LEKR1: variants seen among roughly 807,000 people sequenced by gnomAD.
LEKR1 encodes the protein leucine, glutamate and lysine rich 1, also known as protein LEKR1.
LEKR1 carries 59 observed loss-of-function variants against 72.4 expected under a neutral mutation model. The observed-to-expected ratio is 0.82, with a 90% CI of 0.66 to 1.01. The LOEUF is 1.01. Among genes scored for constraint, LEKR1 ranks in the 50% least tolerant of loss-of-function variants. LEKR1 has a pLI of 0.00. For synonymous variants in LEKR1, 257 were observed against 263.2 expected (o/e 0.98, Z 0.23); for missense variants, 728 against 759.2 (o/e 0.96, Z 0.48).
Position 156,899,742 on chromosome 3 carries a change from A to G in LEKR1, c.264-20833A>G, listed in dbSNP as rs946432268. ...TATACATGCATATATACACATATAT[A>G]CATGCATATATACACATATACATGC... On this transcript the variant is annotated intron_variant, in intron 3 of 12. Transcript: ENST00000356539. Among the ~76,000 whole-genome samples the G allele has an allele frequency of 6.9e-5, 10 of 144,162 alleles. 1 individual carries two copies. The highest frequency in any genetic ancestry group is 2.5e-4 in the African/African-American group (10 of 39,466). The allele number at this position is 144,162 out of a possible 152,430, so 94.6% of individuals were successfully genotyped here. A position where few individuals can be genotyped will look rare whatever the true frequency, so the allele number is the denominator to read the frequency against.
At chr3:156,832,005 C>A (rs1334977394) in intron 2 of LEKR1, among the ~76,000 whole-genome samples, 1 of 152,156 alleles carries the variant, frequency 6.6e-6, no homozygotes, top group East Asian at 1.9e-4. Flanking sequence ...GGCCTACAGC[C>A]ACTGTAACTT....
At chr3:156,920,762 C>A (rs1724119941) in intron 4 of LEKR1, 68 bp downstream of exon 4, 6 of 850,776 alleles carry the variant, frequency 7.1e-6, no homozygotes, top group Admixed American at 6.9e-5. Context: ...TGTAAATAGC[C>A]AAACACATTT....
intron 3 of LEKR1, among the ~76,000 whole-genome samples, chr3:156,902,211 TA>T (rs199812954): frequency 3.3e-5 from 5 of 151,498 alleles, no homozygotes; most frequent in South Asian, 2.1e-4. Flanking sequence ...TCCTATTCTT[TA>T]AAAAAAAATC....
At chr3:156,984,890 C>T (rs1730542639) in intron 7 of LEKR1, among the ~76,000 whole-genome samples, 1 of 151,940 alleles carries the variant, frequency 6.6e-6, no homozygotes, top group South Asian at 2.1e-4. Context: ...GGCCTTTCAA[C>T]AGCATCTGAC....
chr3:156,890,871 T>C (rs1402334248), intron 3 of LEKR1, among the ~76,000 whole-genome samples: 1 of 150,682 alleles, frequency 6.6e-6, no homozygotes, highest in African/African-American at 2.4e-5. Context: ...TTTTTTTTTT[T>C]TTTTTTGAGA....
chr3:156,994,663 C>T (rs1018555628), intron 9 of LEKR1, among the ~76,000 whole-genome samples: 2 of 152,078 alleles, frequency 1.3e-5, no homozygotes, highest in Non-Finnish European at 2.9e-5. Context: ...GAGATAAAAC[C>T]TATATATGCT....
At chr3:156,866,053 T>A (rs1419426672) in intron 3 of LEKR1, among the ~76,000 whole-genome samples, 2 of 152,064 alleles carry the variant, frequency 1.3e-5, no homozygotes, top group African/African-American at 4.8e-5. Flanking sequence ...ATTCTTTGCT[T>A]TATCTATTTC....
chr3:156,948,821 A>G (rs989822712), intron 6 of LEKR1, among the ~76,000 whole-genome samples: 3 of 151,506 alleles, frequency 2.0e-5, no homozygotes, highest in Admixed American at 1.3e-4. Context: ...CAAACTCACC[A>G]GCATCTGTTA....
At chr3:156,842,109 A>G (rs1003802754) in intron 2 of LEKR1, among the ~76,000 whole-genome samples, 2 of 152,224 alleles carry the variant, frequency 1.3e-5, no homozygotes, top group African/African-American at 4.8e-5. Context: ...CCATCCCCCC[A>G]GTCCATGGGA....
rs187519136 is a variant in LEKR1, at chr3:156,965,355, G to A, written c.746-13839G>A. On this transcript the variant is annotated intron_variant, in intron 6 of 12. Transcript: ENST00000356539. ...TGTTTTAATGTTAAGATTAAAAAACGCAGCAGAAACAGAAGCATTTTTTGC... is the reference window on the plus strand; with the variant it reads ...TGTTTTAATGTTAAGATTAAAAAACACAGCAGAAACAGAAGCATTTTTTGC... Among the ~76,000 whole-genome samples the A allele has an allele frequency of 4.6e-5, 7 of 152,092 alleles. No homozygotes were observed. In the East Asian group the frequency reaches 9.7e-4, roughly 21 times the overall value.
chr3:156,874,769 A>G (rs574588668), intron 3 of LEKR1, among the ~76,000 whole-genome samples: 1 of 152,294 alleles, frequency 6.6e-6, no homozygotes, highest in Non-Finnish European at 1.5e-5. Context: ...TCCCACTTGT[A>G]AGTGAGAACA....
chr3:157,045,676 G>A lies in LEKR1; in HGVS notation c.2005G>A (p.Gly669Ser), dbSNP rs142298190. 1.4e-5 allele frequency: 23 copies of A among 1,613,802 alleles called. No homozygotes were observed. The highest frequency in any genetic ancestry group is 3.3e-4 in the Middle Eastern group (2 of 6,084). ...PILPQPHPPR[G>S]GASSANETRQ... is the part of the protein sequence containing the mutation. ...TCTCCCCCAGCCACATCCTCCCAGG[G>A]GTGGAGCATCTTCAGCAAATGAGAC... The change falls in exon 13 of 13, where the codon GGT (glycine) becomes AGT (serine). Residue 669 changes from glycine to serine, a missense_variant. Gly to Ser is a moderately conservative substitution (Grantham distance 56). Transcript: ENST00000356539.
intron 6 of LEKR1, among the ~76,000 whole-genome samples, chr3:156,963,072 T>C (rs751658488): frequency 7.9e-5 from 12 of 152,174 alleles, no homozygotes; most frequent in Non-Finnish European, 1.3e-4. Flanking sequence ...ACTTGTAGCC[T>C]GAGGTGTCTA....
At chr3:156,858,434 A>G (rs1716350686) in intron 3 of LEKR1, among the ~76,000 whole-genome samples, 1 of 152,108 alleles carries the variant, frequency 6.6e-6, no homozygotes, top group African/African-American at 2.4e-5. Flanking sequence ...GCACTTTGGG[A>G]GGCCGAGACA....
chr3:156,840,205 AGTT>A (rs1277080789), intron 2 of LEKR1, among the ~76,000 whole-genome samples: 1 of 152,236 alleles, frequency 6.6e-6, no homozygotes, highest in Non-Finnish European at 1.5e-5. Flanking sequence ...GGCTATTAGT[AGTT>A]AAGTTTTTGG....
At chr3:156,833,254 TC>T (rs1313467633) in intron 2 of LEKR1, among the ~76,000 whole-genome samples, 1 of 152,180 alleles carries the variant, frequency 6.6e-6, no homozygotes, top group Admixed American at 6.5e-5. Context: ...TTCCTGAGAG[TC>T]CTAGAAGTTT....
intron 6 of LEKR1, among the ~76,000 whole-genome samples, chr3:156,971,187 A>C (rs1217638836): frequency 1.3e-5 from 2 of 152,212 alleles, no homozygotes; most frequent in Non-Finnish European, 2.9e-5. Context: ...ATAACGCCGC[A>C]TGTCTACGAC....
At chr3:156,962,045 T>C (rs918955854) in intron 6 of LEKR1, among the ~76,000 whole-genome samples, 2 of 152,234 alleles carry the variant, frequency 1.3e-5, no homozygotes, top group Non-Finnish European at 2.9e-5. Flanking sequence ...TATTTTCTAG[T>C]CAGCCCTGAT....
intron 6 of LEKR1, among the ~76,000 whole-genome samples, chr3:156,975,127 A>G (rs1729580136): frequency 6.6e-6 from 1 of 152,190 alleles, no homozygotes. Flanking sequence ...ATGAAACTGG[A>G]GTTAACAGTT....
Sources: allele counts gnomAD v4.1 joint callset (sites outside exome capture counted in the v4.1 genomes callset), GRCh38; gene constraint gnomAD v4.1.1; transcripts MANE v1.5; gene names NCBI Gene and HGNC (gene_info 2026-07-23, HGNC 2026-07-21).